Variants in ETS1 observed in about 807,000 individuals in gnomAD.
ETS1 encodes protein C-ets-1.
In ETS1, 15 loss-of-function variants were observed where a neutral mutation model predicts 58.6. The ratio of observed to expected loss-of-function variants is 0.26; its 90% CI spans 0.17 to 0.39. The LOEUF (loss-of-function observed/expected upper bound fraction) is 0.39, where lower values mean the gene tolerates loss of function less well. Among genes scored for constraint, ETS1 ranks in the 10% least tolerant of loss-of-function variants. The probability of loss-of-function intolerance (pLI) is 1.00; values close to 1 mark genes in which losing one functional copy is unlikely to be tolerated. For synonymous variants in ETS1, 214 were observed against 218.2 expected, an observed-to-expected ratio of 0.98 and a Z score of 0.17; for missense variants, 417 against 610.5, an observed-to-expected ratio of 0.68 and a Z score of 3.34.
chr11:128,535,675 A>C (rs1337279664), intron 3 of ETS1, among the ~76,000 whole-genome samples: 1 of 152,164 alleles, frequency 6.6e-6, no homozygotes, highest in Non-Finnish European at 1.5e-5. Context: ...GGCAAAAATC[A>C]CTCACTGCCT....
chr11:128,462,784 C>T (rs1223073920), intron 9 of ETS1, among the ~76,000 whole-genome samples: 5 of 152,100 alleles, frequency 3.3e-5, no homozygotes, highest in Non-Finnish European at 7.4e-5. Flanking sequence ...GGATGGGAGT[C>T]ACAATGATTC....
chr11:128,474,404 C>G (rs1215477868), intron 8 of ETS1, among the ~76,000 whole-genome samples: 1 of 152,092 alleles, frequency 6.6e-6, no homozygotes, highest in Non-Finnish European at 1.5e-5. Flanking sequence ...AAAAAAAGTT[C>G]ATAGTGAGGA....
intron 1 of ETS1, among the ~76,000 whole-genome samples, chr11:128,587,024 A>G (rs1285413183): frequency 6.6e-6 from 1 of 152,226 alleles, no homozygotes; most frequent in Admixed American, 6.5e-5. Flanking sequence ...TCAAACCTGT[A>G]GCAATTTCCT....
chr11:128,525,281 A>G (rs1863779456), intron 3 of ETS1, among the ~76,000 whole-genome samples: 1 of 152,166 alleles, frequency 6.6e-6, no homozygotes, highest in Non-Finnish European at 1.5e-5. Flanking sequence ...AGTCACCTTC[A>G]TACAGGAATT....
chr11:128,556,579 T>A, intron 2 of ETS1, 144 bp from the exon 3 acceptor site: 1 of 500,642 alleles, frequency 2.0e-6, no homozygotes, highest in Non-Finnish European at 3.4e-6. Flanking sequence ...ACTCTTGTTT[T>A]CTTCCCTTAT....
At chr11:128,585,037 AAAG>A (rs1565421149) in intron 1 of ETS1, among the ~76,000 whole-genome samples, 132 of 7,168 alleles carry the variant, frequency 0.018, 22 homozygotes, top group African/African-American at 0.085. Context: ...GAAAGAAAAG[AAAG>A]AAAGAAAGAA....
Position 128,480,311 on chromosome 11 carries a change from A to C in ETS1, c.1003T>G (p.Tyr335Asp), listed in dbSNP as rs1862447193. ...TTGTGGTTGGGCAGGGCAGCCGGAT[A>C]GTCCTCTGAGTCGAAGCTGTCATAG... ...PSYDSFDSED[Y>D]PAALPNHKPK... The change falls in exon 8 of 10, where the codon TAT becomes GAT. Residue 335 changes from tyrosine (Y) to aspartate (D), a missense_variant. Transcript: ENST00000392668. 1.2e-6 allele frequency: 2 copies of C among 1,614,052 alleles called. No individual in the cohort carries two copies.
chr11:128,504,237 T>G (rs1370830045), intron 3 of ETS1, among the ~76,000 whole-genome samples: 1 of 152,202 alleles, frequency 6.6e-6, no homozygotes, highest in Non-Finnish European at 1.5e-5. Context: ...AATTTTGGCC[T>G]CTATATCTCT....
intron 3 of ETS1, among the ~76,000 whole-genome samples, chr11:128,532,773 T>C (rs1252857635): frequency 6.6e-6 from 1 of 152,066 alleles, no homozygotes; most frequent in Non-Finnish European, 1.5e-5. Flanking sequence ...TGTCTAAAAT[T>C]ATTAGCAGGG....
intron 3 of ETS1, among the ~76,000 whole-genome samples, chr11:128,504,391 A>G (rs749814973): frequency 2.5e-4 from 38 of 152,312 alleles, no homozygotes; most frequent in South Asian, 6.2e-4. Flanking sequence ...CCAGGACCAA[A>G]AAGCAGAAAA....
At chr11:128,570,140 T>C (rs1864595596) in intron 2 of ETS1, among the ~76,000 whole-genome samples, 1 of 152,220 alleles carries the variant, frequency 6.6e-6, no homozygotes, top group Non-Finnish European at 1.5e-5. Context: ...CATTATATTA[T>C]ATCTGCAACT....
At chr11:128,554,925 C>G (rs1052716566) in intron 3 of ETS1, among the ~76,000 whole-genome samples, 2 of 152,128 alleles carry the variant, frequency 1.3e-5, no homozygotes, top group African/African-American at 4.8e-5. Context: ...GTCCTTAAGT[C>G]TGACGTGTGA....
intron 5 of ETS1, among the ~76,000 whole-genome samples, chr11:128,487,670 C>T (rs572360006): frequency 1.3e-5 from 2 of 152,096 alleles, no homozygotes; most frequent in East Asian, 1.9e-4. Context: ...ACCTAGGAGG[C>T]GAAGGTTGCA....
At chr11:128,574,335 T>A (rs1464311448) in intron 1 of ETS1, among the ~76,000 whole-genome samples, 1 of 152,212 alleles carries the variant, frequency 6.6e-6, no homozygotes, top group Admixed American at 6.5e-5. Flanking sequence ...TTCTTCCAGA[T>A]GTAGAATGCA....
At chr11:128,515,243 ATC>A (rs746259364) in intron 3 of ETS1, among the ~76,000 whole-genome samples, 3 of 150,560 alleles carry the variant, frequency 2.0e-5, no homozygotes, top group South Asian at 4.2e-4. Context: ...AGTTCATTTT[ATC>A]TCTCTGTCAC....
intron 3 of ETS1, among the ~76,000 whole-genome samples, chr11:128,532,658 T>C (rs1380419466): frequency 6.9e-6 from 1 of 145,230 alleles, no homozygotes; most frequent in Non-Finnish European, 1.5e-5. Context: ...CTTGCTCTCC[T>C]TTTTTTTTTT....
intron 3 of ETS1, among the ~76,000 whole-genome samples, chr11:128,538,606 G>A (rs2135539278): frequency 6.6e-6 from 1 of 152,284 alleles, no homozygotes. Flanking sequence ...TTACTTGTCT[G>A]TAAAATGGAG....
chr11:128,477,361 A>G (rs1446404834), intron 8 of ETS1, among the ~76,000 whole-genome samples: 1 of 152,232 alleles, frequency 6.6e-6, no homozygotes, highest in Non-Finnish European at 1.5e-5. Flanking sequence ...AAGTCTATAC[A>G]ATGATTTCTG....
Position 128,463,517 on chromosome 11 carries a change from G to A in ETS1, c.1234C>T (p.Pro412Ser). ...GDGWEFKLSD[P>S]DEVARRWGKR... ...AGCCCCTCCTTCCTTACCTCATCTG[G>A]GTCAGAAAGTTTGAATTCCCAGCCA... Residue 412 changes from proline to serine, a missense_variant, in exon 9 of 10, where the codon CCA becomes TCA. Transcript: ENST00000392668. The surrounding 1 kb of genome is among the most constrained non-coding windows in gnomAD (Gnocchi z 4.1). 1 of 1,584,610 alleles carries A rather than the reference G, an allele frequency of 6.3e-7. No homozygotes were observed. Among genetic ancestry groups the A allele is most frequent in the Non-Finnish European group, 8.7e-7 (1 of 1,153,358 alleles).
Sources: allele counts gnomAD v4.1 joint callset (sites outside exome capture counted in the v4.1 genomes callset), GRCh38; gene constraint gnomAD v4.1.1; non-coding constraint Gnocchi (gnomAD v3.1); transcripts MANE v1.5; gene names NCBI Gene and HGNC (gene_info 2026-07-23, HGNC 2026-07-21).